Variants in FAM91A1 observed in about 807,000 individuals in gnomAD.
FAM91A1 encodes family with sequence similarity 91 member A1, also known as protein FAM91A1.
In FAM91A1, 41 loss-of-function variants were observed where a neutral mutation model predicts 113.5. That is an observed-to-expected ratio of 0.36 (90% CI 0.28 to 0.47). The LOEUF is 0.47. Among genes scored for constraint, FAM91A1 ranks in the 20% least tolerant of loss-of-function variants. The probability of loss-of-function intolerance (pLI) is 1.00; values close to 1 mark genes in which losing one functional copy is unlikely to be tolerated. For synonymous variants in FAM91A1, 307 were observed against 347.9 expected, an observed-to-expected ratio of 0.88 and a Z score of 1.31; for missense variants, 696 against 1,001.2, an observed-to-expected ratio of 0.70 and a Z score of 4.11.
intron 15 of FAM91A1, among the ~76,000 whole-genome samples, chr8:123,796,581 C>A (rs1407560883): frequency 8.6e-5 from 13 of 151,358 alleles, no homozygotes. Context: ...GCCTCAGCCT[C>A]CCGAGTAGCT....
chr8:123,781,329 G>T (rs1238193215), intron 8 of FAM91A1, among the ~76,000 whole-genome samples: 1 of 152,100 alleles, frequency 6.6e-6, no homozygotes, highest in African/African-American at 2.4e-5. Flanking sequence ...TAACAAATTA[G>T]TGGTGATAGG....
chr8:123,798,051 C>A (rs1815576235), intron 15 of FAM91A1, 39 bp from the exon 16 acceptor site: 2 of 1,547,186 alleles, frequency 1.3e-6, no homozygotes, highest in Non-Finnish European at 8.7e-7. Context: ...TTCACACTCT[C>A]AGTCTTTTAT....
chr8:123,781,874 A>G (rs1314341697), intron 8 of FAM91A1, among the ~76,000 whole-genome samples: 3 of 152,234 alleles, frequency 2.0e-5, no homozygotes, highest in Non-Finnish European at 2.9e-5. Flanking sequence ...ACAAAATACT[A>G]GTTTTAAAAT....
chr8:123,787,866 G>A (rs545699302), intron 14 of FAM91A1, 116 bp downstream of exon 14: 9 of 717,818 alleles, frequency 1.3e-5, no homozygotes, highest in Admixed American at 3.5e-5. Context: ...ATTCTTGCTC[G>A]TTCCTACCTC....
Position 123,792,419 on chromosome 8 carries a change from A to G in FAM91A1, c.1411+2674A>G, listed in dbSNP as rs570670248. Among the ~76,000 whole-genome samples the G allele has an allele frequency of 2.0e-5, 3 of 152,342 alleles. No individual in the cohort carries two copies. The East Asian group carries it at 5.8e-4, about 29-fold the overall frequency. On this transcript the variant is annotated intron_variant, in intron 15 of 23. Coordinates refer to ENST00000334705, the MANE Select transcript of FAM91A1 (RefSeq NM_144963.4). ...ATAGCACGGCGTACTGTTTATAAATAAAAGTCATGCGTGGTCTGTTTTTTT... is the reference window on the plus strand; with the variant it reads ...ATAGCACGGCGTACTGTTTATAAATGAAAGTCATGCGTGGTCTGTTTTTTT...
chr8:123,798,049 C>CT (rs781562449), intron 15 of FAM91A1, 41 bp from the exon 16 acceptor site: 21 of 1,546,834 alleles, frequency 1.4e-5, no homozygotes, highest in Non-Finnish European at 1.7e-5. Flanking sequence ...GTTTCACACT[C>CT]TCAGTCTTTT....
intron 15 of FAM91A1, among the ~76,000 whole-genome samples, chr8:123,793,995 T>G (rs1158287245): frequency 6.6e-6 from 1 of 152,192 alleles, no homozygotes; most frequent in Non-Finnish European, 1.5e-5. Flanking sequence ...ACCAGAAATC[T>G]AGGGTACACA....
At chr8:123,784,964 CT>C in intron 9 of FAM91A1, 116 bp from the exon 10 acceptor site, 1 of 665,308 alleles carries the variant, frequency 1.5e-6, no homozygotes, top group Non-Finnish European at 2.4e-6. Flanking sequence ...TTTATTCAGT[CT>C]TCTAATTATT....
Position 123,768,492 on chromosome 8 carries a change from A to G in FAM91A1, c.-211A>G, listed in dbSNP as rs762283017. ...GAAGAAACTTGGAGCTGTTCAGGCG[A>G]TCCAGCCTCCAATCGCTGCTGCTCT... On this transcript the variant is annotated 5_prime_UTR_variant, in exon 1 of 24. Coordinates refer to ENST00000334705, the MANE Select transcript of FAM91A1 (RefSeq NM_144963.4). 95 of 488,834 alleles carry G rather than the reference A, an allele frequency of 1.9e-4. No individual in the cohort carries two copies. The highest frequency in any genetic ancestry group is 5.3e-4 in the Middle Eastern group (1 of 1,896). 30.3% of individuals were successfully genotyped at this position (488,834 alleles called of 1,614,324 possible).
intron 18 of FAM91A1, among the ~76,000 whole-genome samples, chr8:123,803,999 T>A: frequency 6.6e-6 from 1 of 152,146 alleles, no homozygotes; most frequent in Non-Finnish European, 1.5e-5. Context: ...CAACTACAAA[T>A]TCAAATCAAA....
chr8:123,795,993 T>G lies in FAM91A1; in HGVS notation c.1412-2097T>G, dbSNP rs759120686. Reference sequence around the variant, plus strand: ...TTTCTGGACTGGTTCCTTTGATGTTTTTTCCCTGAAGTCAGGAAGTACCTT... The same window carrying G: ...TTTCTGGACTGGTTCCTTTGATGTTGTTTCCCTGAAGTCAGGAAGTACCTT... On this transcript the variant is annotated intron_variant, in intron 15 of 23. Transcript: ENST00000334705. Among the ~76,000 whole-genome samples, 37 of 152,320 alleles carry G rather than the reference T, an allele frequency of 2.4e-4. 2 individuals carry two copies. The highest frequency in any genetic ancestry group is 6.8e-3 in the Middle Eastern group (2 of 294).
At chr8:123,788,775 G>A (rs1815316319) in intron 14 of FAM91A1, among the ~76,000 whole-genome samples, 1 of 151,930 alleles carries the variant, frequency 6.6e-6, no homozygotes, top group Non-Finnish European at 1.5e-5. Flanking sequence ...ATTGCAAGTT[G>A]ACTTCTGCTC....
chr8:123,798,014 T>C (rs1236243172), intron 15 of FAM91A1, 76 bp from the exon 16 acceptor site: 7 of 1,460,292 alleles, frequency 4.8e-6, no homozygotes, highest in South Asian at 2.7e-5. Context: ...AAGTCAGTTA[T>C]CAATATTGCA....
chr8:123,809,085 C>T, intron 22 of FAM91A1, 69 bp downstream of exon 22: 1 of 1,572,754 alleles, frequency 6.4e-7, no homozygotes, highest in Non-Finnish European at 8.7e-7. Context: ...GTTACCATAT[C>T]TTACTTTTAT....
chr8:123,795,450 A>G (rs950828129), intron 15 of FAM91A1, among the ~76,000 whole-genome samples: 1 of 140,266 alleles, frequency 7.1e-6, no homozygotes, highest in African/African-American at 2.7e-5. Flanking sequence ...AAGTGTGTGC[A>G]TCTTCCCCAT....
intron 15 of FAM91A1, among the ~76,000 whole-genome samples, chr8:123,790,565 A>G (rs1226341572): frequency 6.6e-6 from 1 of 152,178 alleles, no homozygotes; most frequent in Non-Finnish European, 1.5e-5. Context: ...ATTTACCTAA[A>G]AACTATTTTT....
intron 23 of FAM91A1, 115 bp from the exon 24 acceptor site, chr8:123,812,402 CTG>C: frequency 3.3e-6 from 2 of 599,802 alleles, no homozygotes; most frequent in South Asian, 5.8e-5. Flanking sequence ...ATCTCCTGTA[CTG>C]CTTTGCAATC....
At chr8:123,799,037 A>G (rs1354115900) in intron 16 of FAM91A1, among the ~76,000 whole-genome samples, 1 of 152,232 alleles carries the variant, frequency 6.6e-6, no homozygotes, top group Non-Finnish European at 1.5e-5. Context: ...GAACTACTGC[A>G]TAAATGGTAA....
intron 20 of FAM91A1, among the ~76,000 whole-genome samples, chr8:123,807,480 C>CA (rs546080328): frequency 0.34 from 20,220 of 59,114 alleles, 2,594 homozygotes; most frequent in East Asian, 0.38. Flanking sequence ...CCTGTCTCTA[C>CA]AAAAAAAAAA....
Sources: allele counts gnomAD v4.1 joint callset (sites outside exome capture counted in the v4.1 genomes callset), GRCh38; gene constraint gnomAD v4.1.1; transcripts MANE v1.5; gene names NCBI Gene and HGNC (gene_info 2026-07-23, HGNC 2026-07-21).